RBPJ: variants seen among roughly 807,000 people sequenced by gnomAD.
The protein encoded by RBPJ is recombination signal binding protein for immunoglobulin kappa J region, also known as recombining binding protein suppressor of hairless.
Under a neutral mutation model 67.8 loss-of-function variants are expected in RBPJ, and 9 were observed. The ratio of observed to expected loss-of-function variants is 0.13; its 90% CI spans 0.08 to 0.23. RBPJ has a LOEUF of 0.23. RBPJ is among the 10% of genes least tolerant of loss of function. The pLI, the probability that RBPJ is intolerant of heterozygous loss-of-function variation, is 1.00. For missense variants in RBPJ, 305 were observed against 595.6 expected, an observed-to-expected ratio of 0.51 and a Z score of 5.08; for synonymous variants, 198 against 203.3, an observed-to-expected ratio of 0.97 and a Z score of 0.22.
chr4:26,372,531 G>A (rs1489605826), intron 1 of RBPJ, among the ~76,000 whole-genome samples: 2 of 152,178 alleles, frequency 1.3e-5, no homozygotes, highest in Non-Finnish European at 2.9e-5. Flanking sequence ...ACATAGCATA[G>A]CAAAGTATCA....
intron 1 of RBPJ, among the ~76,000 whole-genome samples, chr4:26,322,539 A>G (rs1036684014): frequency 3.3e-5 from 5 of 152,028 alleles, no homozygotes; most frequent in African/African-American, 9.7e-5. Context: ...CTGTCCCATC[A>G]TTGGGGTTGA....
intron 4 of RBPJ, among the ~76,000 whole-genome samples, chr4:26,418,870 G>C (rs2109797783): frequency 6.6e-6 from 1 of 152,294 alleles, no homozygotes; most frequent in Middle Eastern, 3.4e-3. Flanking sequence ...ACTTTTAAGA[G>C]TATGGCCGAC....
intron 1 of RBPJ, among the ~76,000 whole-genome samples, chr4:26,362,036 G>A (rs1728117212): frequency 6.6e-6 from 1 of 152,182 alleles, no homozygotes; most frequent in Non-Finnish European, 1.5e-5. Flanking sequence ...ATCAGGAAGA[G>A]CATTGTTTGA....
At chr4:26,174,121 C>T (rs930307245) in intron 1 of RBPJ, among the ~76,000 whole-genome samples, 2 of 152,114 alleles carry the variant, frequency 1.3e-5, no homozygotes, top group East Asian at 1.9e-4. Flanking sequence ...CTTGGCAAGC[C>T]GTGGTATCAA....
chr4:26,318,129 GCA>G (rs33941779), upstream of RBPJ, among the ~76,000 whole-genome samples: 2,481 of 146,432 alleles, frequency 0.017, 51 homozygotes, highest in African/African-American at 0.048. Context: ...ACACACACAC[GCA>G]CACACACACA....
At chr4:26,219,979 T>G (rs946633456) in intron 1 of RBPJ, among the ~76,000 whole-genome samples, 1 of 151,982 alleles carries the variant, frequency 6.6e-6, no homozygotes, top group Non-Finnish European at 1.5e-5. Flanking sequence ...GAGACGGGGT[T>G]TCACTATGTT....
chr4:26,188,220 TAC>T (rs370551394), intron 1 of RBPJ, among the ~76,000 whole-genome samples: 2 of 150,538 alleles, frequency 1.3e-5, no homozygotes, highest in Admixed American at 6.6e-5. Context: ...CACACACACA[TAC>T]ACACACACAC....
intron 1 of RBPJ, among the ~76,000 whole-genome samples, chr4:26,270,404 AG>A (rs1458480330): frequency 1.7e-5 from 1 of 58,812 alleles, no homozygotes; most frequent in Non-Finnish European, 4.4e-5. Flanking sequence ...AAAGAAAGAA[AG>A]AAAGAAAGAA....
chr4:26,160,071 A>G (rs1366764046), upstream of RBPJ, among the ~76,000 whole-genome samples: 2 of 152,058 alleles, frequency 1.3e-5, no homozygotes, highest in African/African-American at 4.8e-5. Context: ...GGCGCCCGCC[A>G]CCGTGCCCGG....
intron 1 of RBPJ, among the ~76,000 whole-genome samples, chr4:26,291,490 G>A (rs1199883148): frequency 6.6e-6 from 1 of 150,692 alleles, no homozygotes; most frequent in Non-Finnish European, 1.5e-5. Context: ...ATTCTGGGGA[G>A]TTGTAGAATA....
intron 1 of RBPJ, among the ~76,000 whole-genome samples, chr4:26,358,794 A>C (rs184380213): frequency 6.6e-6 from 1 of 152,078 alleles, no homozygotes; most frequent in African/African-American, 2.4e-5. Flanking sequence ...TAAAAAAAAA[A>C]AAAAGTCCAT....
At chr4:26,155,570 G>T in the RBPJ span, among the ~76,000 whole-genome samples, 8 of 152,008 alleles carry the variant, frequency 5.3e-5, no homozygotes, top group Non-Finnish European at 8.8e-5. Context: ...GAGTAGCTGG[G>T]ACTACAGGCA....
At chr4:26,295,271 G>GTGTGTGTGTGTGTGT (rs1560248894) in intron 1 of RBPJ, among the ~76,000 whole-genome samples, 4 of 117,954 alleles carry the variant, frequency 3.4e-5, no homozygotes, top group African/African-American at 2.1e-4. Context: ...TGTGTGTGTG[G>GTGTGTGTGTGTGTGT]GTGTGTGTGT....
chr4:26,203,774 G>T (rs1718072257), intron 1 of RBPJ, among the ~76,000 whole-genome samples: 1 of 152,166 alleles, frequency 6.6e-6, no homozygotes, highest in Non-Finnish European at 1.5e-5. Flanking sequence ...CACGGAGGTT[G>T]GCCTTTAAGT....
chr4:26,414,964 T>C (rs1223176585), intron 3 of RBPJ, among the ~76,000 whole-genome samples: 1 of 152,224 alleles, frequency 6.6e-6, no homozygotes, highest in Non-Finnish European at 1.5e-5. Context: ...TGCTTAGTTT[T>C]ATTAATATTT....
intron 1 of RBPJ, among the ~76,000 whole-genome samples, chr4:26,374,219 C>T (rs1560303532): frequency 1.3e-5 from 2 of 152,114 alleles, no homozygotes; most frequent in South Asian, 2.1e-4. Flanking sequence ...GGACTACAGG[C>T]GTGAGCCACC....
intron 1 of RBPJ, among the ~76,000 whole-genome samples, chr4:26,286,386 T>C (rs138515755): frequency 0.026 from 3,657 of 142,228 alleles, 86 homozygotes; most frequent in Middle Eastern, 0.1. Flanking sequence ...GGCTGAAGGA[T>C]CACATGAGCC....
At chr4:26,317,523 G>A (rs1301362383), upstream of RBPJ, among the ~76,000 whole-genome samples, 1 of 152,136 alleles carries the variant, frequency 6.6e-6, no homozygotes, top group East Asian at 1.9e-4. Context: ...GAAAGTCATG[G>A]AGGAGTTCTA....
At chr4:26,165,815 A>G (rs1716262761) in intron 1 of RBPJ, among the ~76,000 whole-genome samples, 1 of 150,162 alleles carries the variant, frequency 6.7e-6, no homozygotes, top group Admixed American at 6.6e-5. Context: ...TGCTGCACCC[A>G]TTAACTCATC....
Sources: allele counts gnomAD v4.1 joint callset (sites outside exome capture counted in the v4.1 genomes callset), GRCh38; gene constraint gnomAD v4.1.1; transcripts MANE v1.5; gene names NCBI Gene and HGNC (gene_info 2026-07-23, HGNC 2026-07-21).